Variants in KHDRBS2 observed in about 807,000 individuals in gnomAD.
KHDRBS2 encodes KH domain-containing, RNA-binding, signal transduction-associated protein 2.
A neutral mutation model predicts 44.3 loss-of-function variants in KHDRBS2; 26 were observed. The ratio of observed to expected loss-of-function variants is 0.59; its 90% CI spans 0.43 to 0.81. The LOEUF (loss-of-function observed/expected upper bound fraction) is 0.81. Among genes scored for constraint, KHDRBS2 ranks in the 40% least tolerant of loss-of-function variants. The pLI, the probability that KHDRBS2 is intolerant of heterozygous loss-of-function variation, is 0.00. For missense variants in KHDRBS2, 476 were observed against 433.1 expected, an observed-to-expected ratio of 1.10 and a Z score of -0.88; for synonymous variants, 194 against 151.1, an observed-to-expected ratio of 1.28 and a Z score of -2.08.
chr6:61,799,541 C>A (rs943651720), intron 6 of KHDRBS2, among the ~76,000 whole-genome samples: 2 of 151,958 alleles, frequency 1.3e-5, no homozygotes, highest in Non-Finnish European at 2.9e-5. Flanking sequence ...AATCACAGAT[C>A]TTCCCCTTTT....
intron 2 of KHDRBS2, among the ~76,000 whole-genome samples, chr6:62,146,733 C>G (rs1219307081): frequency 2.0e-5 from 3 of 151,296 alleles, no homozygotes; most frequent in African/African-American, 7.3e-5. Context: ...AAAGCTGTCC[C>G]TTAAATAGCA....
intron 6 of KHDRBS2, among the ~76,000 whole-genome samples, chr6:61,842,209 G>C (rs528112939): frequency 2.4e-4 from 36 of 152,252 alleles, no homozygotes; most frequent in Admixed American, 5.9e-4. Context: ...GACAGAACAA[G>C]GTCAGAACAT....
chr6:62,169,689 A>C (rs540225291), intron 2 of KHDRBS2, among the ~76,000 whole-genome samples: 2 of 152,018 alleles, frequency 1.3e-5, no homozygotes, highest in Admixed American at 6.6e-5. Context: ...CCTGTGCAAG[A>C]CTAGGGATGG....
chr6:62,041,935 A>T (rs1786628331), intron 3 of KHDRBS2, among the ~76,000 whole-genome samples: 1 of 152,088 alleles, frequency 6.6e-6, no homozygotes, highest in Non-Finnish European at 1.5e-5. Flanking sequence ...TAAATTATTC[A>T]TACAACAAAA....
At chr6:61,615,228 ATCTC>A in the KHDRBS2 span, among the ~76,000 whole-genome samples, 1 of 113,116 alleles carries the variant, frequency 8.8e-6, no homozygotes, top group Admixed American at 9.1e-5. Context: ...GCAAGACTCC[ATCTC>A]CAAAAAAAAA....
chr6:61,768,881 C>A (rs1395428913), intron 6 of KHDRBS2, among the ~76,000 whole-genome samples: 1 of 152,008 alleles, frequency 6.6e-6, no homozygotes, highest in East Asian at 1.9e-4. Context: ...GCATAGAGAA[C>A]AATTGGTGGA....
the KHDRBS2 span, among the ~76,000 whole-genome samples, chr6:61,622,450 A>C: frequency 2.0e-5 from 3 of 152,216 alleles, no homozygotes; most frequent in African/African-American, 7.2e-5. Flanking sequence ...AACATGTACC[A>C]GATAGATTCA....
intron 1 of KHDRBS2, among the ~76,000 whole-genome samples, chr6:62,259,257 TAC>T (rs138554612): frequency 0.03 from 4,595 of 152,070 alleles, 238 homozygotes; most frequent in African/African-American, 0.1. Flanking sequence ...TTTAGGTATA[TAC>T]ATTCCAATAT....
intron 2 of KHDRBS2, among the ~76,000 whole-genome samples, chr6:62,131,781 G>C (rs1464676808): frequency 6.6e-6 from 1 of 152,202 alleles, no homozygotes; most frequent in African/African-American, 2.4e-5. Flanking sequence ...GACAAGTAAA[G>C]AGTAGATATG....
intron 2 of KHDRBS2, among the ~76,000 whole-genome samples, chr6:62,119,640 G>T (rs1167896202): frequency 6.6e-6 from 1 of 152,202 alleles, no homozygotes; most frequent in Non-Finnish European, 1.5e-5. Flanking sequence ...CCCTGATGAA[G>T]CTGGGGACGC....
chr6:61,610,254 A>G, the KHDRBS2 span, among the ~76,000 whole-genome samples: 31 of 152,300 alleles, frequency 2.0e-4, 1 homozygote, highest in South Asian at 4.3e-3. Flanking sequence ...TTAGGAAATC[A>G]CATTCACAAA....
At chr6:61,953,672 T>A (rs1300790211) in intron 4 of KHDRBS2, among the ~76,000 whole-genome samples, 1 of 152,122 alleles carries the variant, frequency 6.6e-6, no homozygotes, top group Non-Finnish European at 1.5e-5. Context: ...AATTCATTTT[T>A]CTGCGGGAAA....
At chr6:61,993,064 C>A (rs1776439984) in intron 3 of KHDRBS2, among the ~76,000 whole-genome samples, 1 of 152,010 alleles carries the variant, frequency 6.6e-6, no homozygotes, top group East Asian at 1.9e-4. Context: ...TCTCTTGGGC[C>A]CCGAAAAGCC....
chr6:61,667,198 T>G, the KHDRBS2 span, among the ~76,000 whole-genome samples: 1 of 150,820 alleles, frequency 6.6e-6, no homozygotes, highest in African/African-American at 2.4e-5. Context: ...TGACAAAAGT[T>G]ATGTTAATTT....
At chr6:62,135,386 T>C (rs1363107329) in intron 2 of KHDRBS2, among the ~76,000 whole-genome samples, 3 of 152,118 alleles carry the variant, frequency 2.0e-5, no homozygotes, top group Admixed American at 6.6e-5. Flanking sequence ...CCTTTATGAG[T>C]TACCCAGTCT....
chr6:62,048,117 A>AAAAT, intron 2 of KHDRBS2, 123 bp from the exon 3 acceptor site: 2 of 523,692 alleles, frequency 3.8e-6, no homozygotes, highest in Non-Finnish European at 3.4e-6. Flanking sequence ...TCATGCCATA[A>AAAAT]ACATACACAC....
chr6:62,256,070 G>A (rs1422407842), intron 1 of KHDRBS2, among the ~76,000 whole-genome samples: 6 of 151,852 alleles, frequency 4.0e-5, no homozygotes, highest in Admixed American at 3.3e-4. Flanking sequence ...GGGAGGCAGA[G>A]GTTGCAGTGA....
At chr6:61,610,818 A>C in the KHDRBS2 span, among the ~76,000 whole-genome samples, 1 of 152,234 alleles carries the variant, frequency 6.6e-6, no homozygotes, top group Non-Finnish European at 1.5e-5. Context: ...TAGGTCTCAC[A>C]CGTTGAGAAG....
the KHDRBS2 span, among the ~76,000 whole-genome samples, chr6:61,615,683 G>A: frequency 1.6e-4 from 25 of 152,100 alleles, no homozygotes; most frequent in African/African-American, 5.3e-4. Context: ...CCAACATGAC[G>A]TTCAAAAGAC....
Sources: allele counts gnomAD v4.1 joint callset (sites outside exome capture counted in the v4.1 genomes callset), GRCh38; gene constraint gnomAD v4.1.1; transcripts MANE v1.5; gene names NCBI Gene and HGNC (gene_info 2026-07-23, HGNC 2026-07-21).